Variants in CAMK2B observed in about 807,000 individuals in gnomAD.
The protein encoded by CAMK2B is calcium/calmodulin-dependent protein kinase type II subunit beta.
CAMK2B carries 27 observed loss-of-function variants against 93.7 expected under a neutral mutation model. The ratio of observed to expected loss-of-function variants is 0.29; its 90% CI spans 0.21 to 0.40. The LOEUF (loss-of-function observed/expected upper bound fraction) is 0.40, where lower values mean the gene tolerates loss of function less well. Ranked by LOEUF, CAMK2B falls within the 10% of genes least tolerant of loss-of-function variation. The pLI is 1.00. For synonymous variants in CAMK2B, 374 were observed against 358.8 expected, an observed-to-expected ratio of 1.04 and a Z score of -0.48; for missense variants, 568 against 895.8, an observed-to-expected ratio of 0.63 and a Z score of 4.67.
rs142364816 is a variant in CAMK2B, at chr7:44,315,905, A to T, written c.65+9452T>A. On this transcript the variant is annotated intron_variant, in intron 1 of 23. Transcript: ENST00000395749. ...CAATGGATTTTTGTATATTGGTCTTACATCTTGCAACTTTGCTAAATTCAT... is the reference window on the plus strand; with the variant it reads ...CAATGGATTTTTGTATATTGGTCTTTCATCTTGCAACTTTGCTAAATTCAT... Among the ~76,000 whole-genome samples, 46 of 152,306 alleles carry T rather than the reference A, an allele frequency of 3.0e-4. No individual in the cohort carries two copies. In the East Asian group the frequency reaches 5.8e-3, roughly 19 times the overall value.
At chr7:44,236,325 G>C (rs1044931440) in intron 13 of CAMK2B, among the ~76,000 whole-genome samples, 10 of 152,232 alleles carry the variant, frequency 6.6e-5, no homozygotes, top group African/African-American at 2.4e-4. Context: ...CCCATGTGCA[G>C]TGGGCACACA....
At position 44,219,138 on chromosome 7, in the gene CAMK2B, C is replaced by A. The variant is rs186697901; in HGVS notation, c.*387G>T. 1.3e-5 allele frequency: 2 copies of A among 152,170 alleles called. No homozygotes were observed. The highest frequency in any genetic ancestry group is 4.8e-5 in the African/African-American group (2 of 41,396). 9.4% of individuals were successfully genotyped at this position (152,170 alleles called of 1,614,324 possible). A position where few individuals can be genotyped will look rare whatever the true frequency, so the allele number is the denominator to read the frequency against. ...CTACAAACTAACACCGTTCAGCACG[C>A]GACGGGGGCCTGGCAGACAAGTTCA... On this transcript the variant is annotated 3_prime_UTR_variant, in exon 24 of 24. Coordinates refer to ENST00000395749, the MANE Select transcript of CAMK2B (RefSeq NM_001220.5).
At chr7:44,317,763 G>A (rs1017667169) in intron 1 of CAMK2B, among the ~76,000 whole-genome samples, 4 of 152,090 alleles carry the variant, frequency 2.6e-5, no homozygotes, top group African/African-American at 9.7e-5. Context: ...TGGGCGGTGG[G>A]GTAGTAATGT....
At chr7:44,243,138 G>C in intron 8 of CAMK2B, 112 bp downstream of exon 8, 3 of 812,838 alleles carry the variant, frequency 3.7e-6, no homozygotes, top group Non-Finnish European at 6.0e-6. Context: ...GTCTGACACA[G>C]ATAAACCCAG....
At chr7:44,269,216 T>G (rs952891009) in intron 2 of CAMK2B, among the ~76,000 whole-genome samples, 55 of 152,134 alleles carry the variant, frequency 3.6e-4, no homozygotes, top group African/African-American at 1.3e-3. Flanking sequence ...AGGGCAAGGC[T>G]GGGGGCCTGG....
chr7:44,230,893 A>G (rs59362925), intron 17 of CAMK2B, 113 bp downstream of exon 17: 16,713 of 861,970 alleles, frequency 0.019, 279 homozygotes, highest in African/African-American at 0.068. Context: ...CCCTCAACAC[A>G]TGCATAAACT....
chr7:44,247,574 G>A (rs958395636), intron 5 of CAMK2B, among the ~76,000 whole-genome samples: 5 of 151,978 alleles, frequency 3.3e-5, no homozygotes, highest in Admixed American at 1.3e-4. Context: ...TGAGCAGGCC[G>A]GGCGAGCGGG....
intron 3 of CAMK2B, chr7:44,259,482 T>A (rs1439975293): frequency 6.5e-6 from 1 of 154,334 alleles, no homozygotes; most frequent in African/African-American, 2.4e-5. Context: ...TGCAACATCA[T>A]CCAAAATTTT....
intron 1 of CAMK2B, among the ~76,000 whole-genome samples, chr7:44,307,587 G>C (rs1014463090): frequency 1.3e-5 from 2 of 152,004 alleles, no homozygotes; most frequent in Non-Finnish European, 2.9e-5. Flanking sequence ...CCCACATGGA[G>C]AGGCTGTCAC....
Position 44,311,648 on chromosome 7 carries a change from C to T in CAMK2B, c.65+13709G>A, listed in dbSNP as rs553928621. ...ACCCAGAGGGGCTGTCCTGCCCCTG[C>T]GAGCACCACAGCCTGGCTCTGCGGT... On this transcript the variant is annotated intron_variant, in intron 1 of 23. Transcript: ENST00000395749. This position sits in a 1 kb window ranked among gnomAD's most constrained non-coding sequence, Gnocchi z 4.2. Among the ~76,000 whole-genome samples, 2 of 152,268 alleles carry T rather than the reference C, an allele frequency of 1.3e-5. No homozygotes were observed. The highest frequency in any genetic ancestry group is 1.9e-4 in the East Asian group (1 of 5,162).
intron 2 of CAMK2B, among the ~76,000 whole-genome samples, chr7:44,266,713 T>G (rs2096924467): frequency 6.6e-6 from 1 of 152,132 alleles, no homozygotes; most frequent in South Asian, 2.1e-4. Context: ...GCCCCATCAA[T>G]GCCCCCAGGA....
intron 1 of CAMK2B, among the ~76,000 whole-genome samples, chr7:44,310,054 G>A (rs969810718): frequency 3.7e-4 from 57 of 152,374 alleles, no homozygotes; most frequent in African/African-American, 1.3e-3. Context: ...GCGCGGAACC[G>A]CACGGTGGCC....
chr7:44,239,198 T>C (rs2096653118), intron 13 of CAMK2B, among the ~76,000 whole-genome samples: 1 of 152,204 alleles, frequency 6.6e-6, no homozygotes, highest in African/African-American at 2.4e-5. Flanking sequence ...CCCAAGGGCC[T>C]CTGCCTCTCT....
chr7:44,228,612 G>C (rs1198960325), intron 19 of CAMK2B, among the ~76,000 whole-genome samples, 184 bp downstream of exon 19: 1 of 152,142 alleles, frequency 6.6e-6, no homozygotes, highest in Non-Finnish European at 1.5e-5. Flanking sequence ...TTAGGGAGAA[G>C]CCAGGAGCTG....
At chr7:44,304,488 A>G (rs1222468051) in intron 1 of CAMK2B, among the ~76,000 whole-genome samples, 2 of 152,214 alleles carry the variant, frequency 1.3e-5, no homozygotes, top group Admixed American at 1.3e-4. Flanking sequence ...CCACTGCTGA[A>G]TAAAAGAAGC....
intron 2 of CAMK2B, among the ~76,000 whole-genome samples, chr7:44,281,182 GACCTGAGCTGGGCCTGGCA>G (rs2097099492): frequency 6.6e-6 from 1 of 152,230 alleles, no homozygotes; most frequent in Admixed American, 6.5e-5. Flanking sequence ...GTGGCCGTGG[GACCTGAGCTGGGCCTGGCA>G]TCTCTTCAGG....
intron 1 of CAMK2B, among the ~76,000 whole-genome samples, chr7:44,303,306 T>TA (rs1790607466): frequency 6.6e-6 from 1 of 152,184 alleles, no homozygotes; most frequent in Non-Finnish European, 1.5e-5. Context: ...GAAGATGCAA[T>TA]ATTGTCCAAT....
intron 1 of CAMK2B, among the ~76,000 whole-genome samples, chr7:44,291,843 T>G (rs955559790): frequency 5.3e-5 from 8 of 152,210 alleles, no homozygotes; most frequent in African/African-American, 1.9e-4. Context: ...GGAAAACCAT[T>G]CTTCCAAACT....
intron 20 of CAMK2B, among the ~76,000 whole-genome samples, chr7:44,223,649 C>G (rs2096440001): frequency 6.6e-6 from 1 of 151,738 alleles, no homozygotes; most frequent in Non-Finnish European, 1.5e-5. Flanking sequence ...CTGGCACCTG[C>G]CTCTCCCCTG....
Sources: allele counts gnomAD v4.1 joint callset (sites outside exome capture counted in the v4.1 genomes callset), GRCh38; gene constraint gnomAD v4.1.1; non-coding constraint Gnocchi (gnomAD v3.1); transcripts MANE v1.5; gene names NCBI Gene and HGNC (gene_info 2026-07-23, HGNC 2026-07-21).